The following NPAS3 variants were observed in gnomAD, a reference collection of about 807,000 sequenced individuals.
NPAS3 encodes the protein neuronal PAS domain-containing protein 3.
Under a neutral mutation model 73.1 loss-of-function variants are expected in NPAS3, and 14 were observed. The observed-to-expected ratio is 0.19, with a 90% confidence interval of 0.13 to 0.30. NPAS3 has a LOEUF of 0.30. Ranked by LOEUF, NPAS3 falls within the 10% of genes least tolerant of loss-of-function variation. The pLI is 1.00. For missense variants in NPAS3, 1,096 were observed against 1,250.0 expected (o/e 0.88, Z 1.86); for synonymous variants, 620 against 541.5 (o/e 1.14, Z -2.01).
At chr14:33,246,876 T>C in intron 3 of NPAS3, among the ~76,000 whole-genome samples, 1 of 116,504 alleles carries the variant, frequency 8.6e-6, no homozygotes, top group African/African-American at 3.4e-5. Flanking sequence ...AAGCTGGGCA[T>C]GGTGGTGGGT....
At chr14:33,388,267 A>G (rs552360594) in intron 4 of NPAS3, among the ~76,000 whole-genome samples, 2 of 152,294 alleles carry the variant, frequency 1.3e-5, no homozygotes, top group South Asian at 4.1e-4. Flanking sequence ...GCATGGAGCT[A>G]TTAACAAGTA....
chr14:33,316,922 A>T (rs2043229373), intron 3 of NPAS3, among the ~76,000 whole-genome samples: 1 of 152,104 alleles, frequency 6.6e-6, no homozygotes, highest in Admixed American at 6.6e-5. Flanking sequence ...GTGGTTATTC[A>T]AGCAAAGTAT....
At chr14:33,750,361 T>C (rs561566150) in intron 7 of NPAS3, among the ~76,000 whole-genome samples, 3 of 152,256 alleles carry the variant, frequency 2.0e-5, no homozygotes, top group African/African-American at 2.4e-5. Context: ...GAAGATAAAA[T>C]GGAGAGATTT....
chr14:33,091,980 T>G (rs981078830), intron 2 of NPAS3, among the ~76,000 whole-genome samples: 1 of 152,148 alleles, frequency 6.6e-6, no homozygotes, highest in Non-Finnish European at 1.5e-5. Context: ...CTCAAAATAA[T>G]AAGAGCTATT....
At chr14:32,940,003 CT>C (rs1188340725) in intron 1 of NPAS3, among the ~76,000 whole-genome samples, 2 of 152,216 alleles carry the variant, frequency 1.3e-5, no homozygotes, top group Non-Finnish European at 2.9e-5. Flanking sequence ...CGCTCGGCAA[CT>C]TGTGGGTCTC....
chr14:33,398,140 T>C (rs1009633591), intron 4 of NPAS3, among the ~76,000 whole-genome samples: 1 of 152,142 alleles, frequency 6.6e-6, no homozygotes, highest in African/African-American at 2.4e-5. Flanking sequence ...GAGAAGGTTT[T>C]TCCTACCTGA....
chr14:33,463,576 C>T (rs1031128287), intron 4 of NPAS3, among the ~76,000 whole-genome samples: 3 of 152,118 alleles, frequency 2.0e-5, no homozygotes, highest in Admixed American at 6.5e-5. Context: ...GTAAAAGCTC[C>T]GTATGCTCTG....
In NPAS3 at chr14:33,215,461, T is replaced by G. The variant is rs191059970; in HGVS notation, c.385+35T>G. 8.1e-6 allele frequency: 13 copies of G among 1,611,470 alleles called. No homozygotes were observed. The Admixed American group carries it at 1.2e-4, about 15-fold the overall frequency. Reference sequence around the variant, plus strand: ...AGGTCACTGTTCAGTCTGAATATGATGGTCTGTAGGGGTCTGTAAGACAAA... The same window carrying G: ...AGGTCACTGTTCAGTCTGAATATGAGGGTCTGTAGGGGTCTGTAAGACAAA... On this transcript the variant is annotated intron_variant, in intron 3 of 11. Transcript: ENST00000356141.
chr14:33,207,170 G>C (rs1405393447), intron 2 of NPAS3, among the ~76,000 whole-genome samples: 1 of 151,736 alleles, frequency 6.6e-6, no homozygotes, highest in East Asian at 1.9e-4. Context: ...TGTAACTTCA[G>C]GGGGATGAAC....
At chr14:33,635,097 T>G (rs567360063) in intron 5 of NPAS3, among the ~76,000 whole-genome samples, 284 of 152,270 alleles carry the variant, frequency 1.9e-3, no homozygotes, top group African/African-American at 6.7e-3. Flanking sequence ...GGTAAGATTT[T>G]TATGAAAATA....
rs181614579 is a variant in NPAS3 at position 33,511,454 on chromosome 14, G to A, written c.469-48667G>A. 4.2e-3 allele frequency among the ~76,000 whole-genome samples: 637 copies of A among 152,054 alleles called. 17 individuals carry two copies. Among genetic ancestry groups the A allele is most frequent in the Non-Finnish European group, 5.6e-4 (38 of 67,936 alleles). ...TTACAATTTAATCAATAAAGAGAAAGGGCCAAATTTCTAAACAAGATCGAA... is the reference window on the plus strand; with the variant it reads ...TTACAATTTAATCAATAAAGAGAAAAGGCCAAATTTCTAAACAAGATCGAA... On this transcript the variant is annotated intron_variant, in intron 4 of 11. Transcript: ENST00000356141.
At chr14:33,028,627 T>C (rs2039887356) in intron 1 of NPAS3, among the ~76,000 whole-genome samples, 1 of 152,174 alleles carries the variant, frequency 6.6e-6, no homozygotes, top group Admixed American at 6.5e-5. Flanking sequence ...GCAGTTAGCA[T>C]AGGCAGATAT....
At chr14:33,519,668 G>T (rs1471309481) in intron 4 of NPAS3, among the ~76,000 whole-genome samples, 4 of 152,108 alleles carry the variant, frequency 2.6e-5, no homozygotes, top group African/African-American at 9.7e-5. Context: ...TGAGATGTAA[G>T]GTACTTGAAA....
At chr14:33,170,599 C>T (rs1014273349) in intron 2 of NPAS3, among the ~76,000 whole-genome samples, 3 of 152,226 alleles carry the variant, frequency 2.0e-5, no homozygotes, top group Non-Finnish European at 4.4e-5. Context: ...TCAAATCCTG[C>T]TGCTGCTTTA....
intron 7 of NPAS3, among the ~76,000 whole-genome samples, chr14:33,763,817 AT>A (rs60930645): frequency 0.15 from 22,079 of 150,998 alleles, 2,601 homozygotes; most frequent in African/African-American, 0.33. Context: ...TCACTAAAGA[AT>A]TTTTTATCTA....
intron 1 of NPAS3, among the ~76,000 whole-genome samples, chr14:32,988,022 C>G (rs937962005): frequency 2.0e-5 from 3 of 151,958 alleles, no homozygotes; most frequent in Admixed American, 6.6e-5. Flanking sequence ...GATTCTACAT[C>G]AATAGGAGAA....
intron 4 of NPAS3, among the ~76,000 whole-genome samples, chr14:33,382,254 A>C (rs552224188): frequency 6.6e-6 from 1 of 152,110 alleles, no homozygotes; most frequent in Non-Finnish European, 1.5e-5. Context: ...AAAAAAATCC[A>C]GGTTTTATTT....
chr14:33,640,787 C>G (rs954810865), intron 5 of NPAS3, among the ~76,000 whole-genome samples: 1 of 152,052 alleles, frequency 6.6e-6, no homozygotes, highest in Non-Finnish European at 1.5e-5. Context: ...TCTCGTTGTA[C>G]AAATACTCAA....
intron 4 of NPAS3, among the ~76,000 whole-genome samples, chr14:33,379,658 C>A (rs2046455372): frequency 6.6e-6 from 1 of 152,040 alleles, no homozygotes; most frequent in Admixed American, 6.6e-5. Context: ...CTTTGCAAGC[C>A]TTTTAGACTC....
Sources: allele counts gnomAD v4.1 joint callset (sites outside exome capture counted in the v4.1 genomes callset), GRCh38; gene constraint gnomAD v4.1.1; transcripts MANE v1.5; gene names NCBI Gene and HGNC (gene_info 2026-07-23, HGNC 2026-07-21).